The following USP18 variants were observed in gnomAD, a reference collection of about 807,000 sequenced individuals.
USP18 encodes the protein ubiquitin specific peptidase 18, also known as ubl carboxyl-terminal hydrolase 18.
A neutral mutation model predicts 48.7 loss-of-function variants in USP18; 11 were observed. The ratio of observed to expected loss-of-function variants is 0.23; its 90% confidence interval spans 0.14 to 0.37. USP18 has a LOEUF of 0.37. Among genes scored for constraint, USP18 ranks in the 10% least tolerant of loss-of-function variants. The pLI is 1.00. For synonymous variants in USP18, 114 were observed against 163.2 expected (o/e 0.70, Z 2.30); for missense variants, 285 against 436.4 (o/e 0.65, Z 3.09).
intron 1 of USP18, among the ~76,000 whole-genome samples, chr22:18,157,150 T>A (rs1178685465): frequency 1.3e-5 from 2 of 152,248 alleles, no homozygotes; most frequent in African/African-American, 2.4e-5. Flanking sequence ...AACACGAGGC[T>A]GTTCTGCCAG....
chr22:18,174,215 TTTC>T (rs1929716206), intron 10 of USP18, among the ~76,000 whole-genome samples: 1 of 147,468 alleles, frequency 6.8e-6, no homozygotes. Context: ...CTTGTATGGT[TTTC>T]TTTTCTTTTC....
At chr22:18,164,734 C>T (rs1328725068) in intron 4 of USP18, among the ~76,000 whole-genome samples, 2 of 152,226 alleles carry the variant, frequency 1.3e-5, no homozygotes, top group East Asian at 3.9e-4. Flanking sequence ...CCGTTTAAAA[C>T]TGCCTCTTTG....
intron 4 of USP18, among the ~76,000 whole-genome samples, chr22:18,165,829 C>A (rs1362592413): frequency 1.3e-5 from 2 of 149,716 alleles, no homozygotes. Context: ...CTTTTCTGCC[C>A]GGAAAGGCGC....
intron 6 of USP18, among the ~76,000 whole-genome samples, chr22:18,169,395 TA>T (rs1929566001): frequency 6.6e-6 from 1 of 152,136 alleles, no homozygotes; most frequent in Non-Finnish European, 1.5e-5. Flanking sequence ...GCCAACATGG[TA>T]AAACCCTGTC....
chr22:18,163,011 A>G (rs1024281141), intron 4 of USP18, among the ~76,000 whole-genome samples: 1 of 150,708 alleles, frequency 6.6e-6, no homozygotes, highest in African/African-American at 2.4e-5. Flanking sequence ...CCAGTGACCT[A>G]TCTTCTAGTT....
At chr22:18,174,816 A>G (rs1254300320) in intron 10 of USP18, among the ~76,000 whole-genome samples, 2 of 152,178 alleles carry the variant, frequency 1.3e-5, no homozygotes, top group South Asian at 2.1e-4. Context: ...GGCTTGTCTC[A>G]AACTGCTGGG....
At chr22:18,167,403 C>G in intron 5 of USP18, 69 bp downstream of exon 5, 3 of 1,576,142 alleles carry the variant, frequency 1.9e-6, no homozygotes, top group Non-Finnish European at 8.7e-7. Flanking sequence ...AGCTGTTGTT[C>G]CCGTAGTGTG....
At chr22:18,167,124 C>T in intron 4 of USP18, 131 bp from the exon 5 acceptor site, 1 of 1,064,446 alleles carries the variant, frequency 9.4e-7, no homozygotes, top group Non-Finnish European at 1.4e-6. Context: ...GTCGTGCCAA[C>T]TTAGCCTTGC....
intron 8 of USP18, 145 bp downstream of exon 8, chr22:18,171,065 A>G: frequency 2.8e-6 from 1 of 353,176 alleles, no homozygotes; most frequent in South Asian, 2.5e-5. Flanking sequence ...CTTCTTTCTA[A>G]ATATTGGATT....
intron 4 of USP18, among the ~76,000 whole-genome samples, chr22:18,166,105 G>C (rs1929470751): frequency 2.0e-5 from 3 of 151,624 alleles, no homozygotes; most frequent in Admixed American, 6.6e-5. Flanking sequence ...TCAGCTTTTC[G>C]CTGCATAGGT....
chr22:18,157,503 T>C, intron 1 of USP18, 55 bp from the exon 2 acceptor site: 2 of 908,292 alleles, frequency 2.2e-6, no homozygotes, highest in Non-Finnish European at 3.4e-6. Context: ...ACGGATTACA[T>C]GAATACACAT....
At chr22:18,168,448 G>C (rs369562175) in intron 6 of USP18, among the ~76,000 whole-genome samples, 16 of 151,230 alleles carry the variant, frequency 1.1e-4, no homozygotes, top group African/African-American at 2.4e-4. Context: ...CCAGACTGAA[G>C]TGCAGTGGCA....
chr22:18,173,401 T>A lies in USP18; in HGVS notation c.1023+120T>A. On this transcript the variant is annotated intron_variant, in intron 9 of 10. Transcript: ENST00000215794. ...ACACTGTGATCCTGCTGTCTGGGTG[T>A]GGGGCCTTTGATGAGGGTTCAAGCC... The A allele has an allele frequency of 2.8e-6, 4 of 1,426,478 alleles. No individual in the cohort carries two copies. In the South Asian group the frequency reaches 5.8e-5, roughly 21 times the overall value. The allele number at this position is 1,426,478 out of a possible 1,614,324, so 88.4% of individuals were successfully genotyped here.
At chr22:18,172,705 T>C (rs1172168386) in intron 8 of USP18, among the ~76,000 whole-genome samples, 1 of 151,480 alleles carries the variant, frequency 6.6e-6, no homozygotes, top group Non-Finnish European at 1.5e-5. Flanking sequence ...GAAATAGGGA[T>C]AATTTCAGCC....
At chr22:18,170,226 C>T (rs2075296) in intron 7 of USP18, among the ~76,000 whole-genome samples, 58,133 of 147,228 alleles carry the variant, frequency 0.39, 12,648 homozygotes, top group African/African-American at 0.58. Context: ...AGTCCAAACC[C>T]GTGCTGTTCA....
At chr22:18,164,354 C>G (rs1929415828) in intron 4 of USP18, among the ~76,000 whole-genome samples, 1 of 151,904 alleles carries the variant, frequency 6.6e-6, no homozygotes, top group East Asian at 1.9e-4. Flanking sequence ...GTTCTTTGGT[C>G]TCTGTGCCCC....
At chr22:18,174,315 C>A (rs1337622463) in intron 10 of USP18, among the ~76,000 whole-genome samples, 3 of 151,458 alleles carry the variant, frequency 2.0e-5, no homozygotes, top group Non-Finnish European at 4.4e-5. Context: ...CTTGGCTCCT[C>A]CTCCCAGGTT....
intron 3 of USP18, among the ~76,000 whole-genome samples, chr22:18,160,890 C>T (rs1929313387): frequency 6.6e-6 from 1 of 151,316 alleles, no homozygotes; most frequent in African/African-American, 2.4e-5. Context: ...CTGCCTCAGC[C>T]TCTCAAGTAG....
chr22:18,163,551 G>A (rs1929387340), intron 4 of USP18, among the ~76,000 whole-genome samples: 1 of 151,862 alleles, frequency 6.6e-6, no homozygotes, highest in Non-Finnish European at 1.5e-5. Context: ...GCTGAGGAAG[G>A]AGAATGGCGT....
Sources: allele counts gnomAD v4.1 joint callset (sites outside exome capture counted in the v4.1 genomes callset), GRCh38; gene constraint gnomAD v4.1.1; transcripts MANE v1.5; gene names NCBI Gene and HGNC (gene_info 2026-07-23, HGNC 2026-07-21).